The following ZMIZ1 variants were observed in gnomAD, a reference collection of about 807,000 sequenced individuals.
ZMIZ1 encodes zinc finger MIZ-type containing 1.
ZMIZ1 carries 17 observed loss-of-function variants against 113.9 expected under a neutral mutation model. The observed-to-expected ratio is 0.15, with a 90% CI of 0.10 to 0.22. The LOEUF (loss-of-function observed/expected upper bound fraction) is 0.22, where lower values mean the gene tolerates loss of function less well. Among genes scored for constraint, ZMIZ1 ranks in the 10% least tolerant of loss-of-function variants. The probability of loss-of-function intolerance (pLI) is 1.00; values close to 1 mark genes in which losing one functional copy is unlikely to be tolerated. For synonymous variants in ZMIZ1, 607 were observed against 603.1 expected (o/e 1.01, Z -0.09); for missense variants, 1,059 against 1,477.8 (o/e 0.72, Z 4.65).
chr10:79,314,030 G>A lies in ZMIZ1; in HGVS notation c.*1281G>A, dbSNP rs575727900. ...TGGGGGGGAGGGGGGCGTGTTTCTG[G>A]GCCTGCCCCAGACACTGCCCTTGGC... On this transcript the variant is annotated 3_prime_UTR_variant, in exon 25 of 25. Transcript: ENST00000334512. 87 of 456,632 alleles carry A rather than the reference G, an allele frequency of 1.9e-4. No homozygotes were observed. Among genetic ancestry groups the A allele is most frequent in the South Asian group, 1.3e-3 (81 of 64,550 alleles). 28.3% of individuals were successfully genotyped at this position (456,632 alleles called of 1,614,324 possible).
intron 1 of ZMIZ1, among the ~76,000 whole-genome samples, chr10:79,092,917 A>G (rs558652631): frequency 3.9e-5 from 6 of 151,974 alleles, no homozygotes; most frequent in African/African-American, 1.4e-4. Flanking sequence ...CCCTTGAGAT[A>G]GTGAGGAGAC....
At chr10:79,207,108 G>A (rs1434814479) in intron 5 of ZMIZ1, among the ~76,000 whole-genome samples, 1 of 152,218 alleles carries the variant, frequency 6.6e-6, no homozygotes, top group Non-Finnish European at 1.5e-5. Flanking sequence ...GTGGATTCCC[G>A]TAGCTCCCCT....
chr10:79,271,153 A>C (rs567386933), intron 7 of ZMIZ1, among the ~76,000 whole-genome samples: 1 of 152,124 alleles, frequency 6.6e-6, no homozygotes, highest in African/African-American at 2.4e-5. Context: ...CTGCTCATCT[A>C]CTCAGGGCCC....
Position 79,296,254 on chromosome 10 carries a change from G to A in ZMIZ1, c.1231-217G>A, listed in dbSNP as rs539886841. The A allele has an allele frequency of 3.4e-6, 2 of 593,534 alleles. No homozygotes were observed. Among genetic ancestry groups the A allele is most frequent in the Admixed American group, 3.1e-5 (1 of 32,504 alleles). The allele number at this position is 593,534 out of a possible 1,614,324, so 36.8% of individuals were successfully genotyped here. A position where few individuals can be genotyped will look rare whatever the true frequency, so the allele number is the denominator to read the frequency against. ...GGGGCACATGTGCTCCAGGAAGAACGGCCTCAAGGGGAGGTGGCCTATGAT... is the reference window on the plus strand; with the variant it reads ...GGGGCACATGTGCTCCAGGAAGAACAGCCTCAAGGGGAGGTGGCCTATGAT... On this transcript the variant is annotated intron_variant, in intron 12 of 24. Coordinates refer to ENST00000334512, the MANE Select transcript of ZMIZ1 (RefSeq NM_020338.4). The surrounding 1 kb of genome is among the most constrained non-coding windows in gnomAD (Gnocchi z 4.1).
In ZMIZ1 at chr10:79,286,186, G is replaced by A. The variant is rs142318596; in HGVS notation, c.426-3589G>A. Among the ~76,000 whole-genome samples the A allele has an allele frequency of 9.8e-3, 1,500 of 152,342 alleles. 30 individuals carry two copies. The highest frequency in any genetic ancestry group is 0.033 in the African/African-American group (1,390 of 41,576). Reference sequence around the variant, plus strand: ...GTCTGCAGGTTAAACTGTGCTCGTCGGAGAGAAGAAGGGCTCTCAGGCACC... The same window carrying A: ...GTCTGCAGGTTAAACTGTGCTCGTCAGAGAGAAGAAGGGCTCTCAGGCACC... On this transcript the variant is annotated intron_variant, in intron 8 of 24. Coordinates refer to ENST00000334512, the MANE Select transcript of ZMIZ1 (RefSeq NM_020338.4).
intron 8 of ZMIZ1, among the ~76,000 whole-genome samples, chr10:79,280,158 T>C (rs1192275433): frequency 6.6e-6 from 1 of 152,032 alleles, no homozygotes; most frequent in African/African-American, 2.4e-5. Context: ...TGGCTAATTT[T>C]TTGTATTTTT....
rs76410646 is a variant in ZMIZ1 at position 79,308,742 on chromosome 10, C to G, written c.2835+1171C>G. Among the ~76,000 whole-genome samples, 56 of 152,204 alleles carry G rather than the reference C, an allele frequency of 3.7e-4. No individual in the cohort carries two copies. In the East Asian group the frequency reaches 0.01, roughly 27 times the overall value. On this transcript the variant is annotated intron_variant, in intron 23 of 24. Coordinates refer to ENST00000334512, the MANE Select transcript of ZMIZ1 (RefSeq NM_020338.4). ...TTCTGGGGGCTTCTTTCCTGATGCCCCTTCCTGGGCCCTGAGGGCATCCCA... is the reference window on the plus strand; with the variant it reads ...TTCTGGGGGCTTCTTTCCTGATGCCGCTTCCTGGGCCCTGAGGGCATCCCA...
chr10:79,189,193 G>T (rs1223319549), intron 4 of ZMIZ1, among the ~76,000 whole-genome samples: 1 of 152,220 alleles, frequency 6.6e-6, no homozygotes, highest in Non-Finnish European at 1.5e-5. Context: ...AGTCCCTCCA[G>T]CTCCTCAACC....
chr10:79,292,266 A>AGCAGCAGCAGCCACAGCTACAGCC lies in ZMIZ1; in HGVS notation c.868_891dup (p.Ala290_Ala297dup). The AGCAGCAGCAGCCACAGCTACAGCC allele has an allele frequency of 6.2e-7, 1 of 1,609,876 alleles. No homozygotes were observed. Among genetic ancestry groups the AGCAGCAGCAGCCACAGCTACAGCC allele is most frequent in the Non-Finnish European group, 8.5e-7 (1 of 1,178,050 alleles). On this transcript the variant is annotated inframe_insertion, in exon 11 of 25. Transcript: ENST00000334512. The stretch of plus-strand genomic sequence containing the variant: ...CAGCCGCTGCAGCAGCGGCAGTGGC[A>AGCAGCAGCAGCCACAGCTACAGCC]GCAGCAGCAGCCACAGCTACAGCCA...
chr10:79,262,394 T>G (rs917775194), intron 7 of ZMIZ1, among the ~76,000 whole-genome samples: 1 of 152,250 alleles, frequency 6.6e-6, no homozygotes, highest in African/African-American at 2.4e-5. Flanking sequence ...ATCCCTGGCC[T>G]GGAGATCCAG....
intron 2 of ZMIZ1, among the ~76,000 whole-genome samples, chr10:79,134,271 C>T (rs1356277328): frequency 2.0e-5 from 3 of 152,192 alleles, no homozygotes; most frequent in African/African-American, 7.2e-5. Flanking sequence ...TCACTCACCG[C>T]TTCTGTATAG....
chr10:79,289,751 ATCTCCCTCTG>A lies in ZMIZ1; in HGVS notation c.426-13_426-4del. On this transcript the variant is annotated splice_polypyrimidine_tract_variant and intron_variant, in intron 8 of 24. Coordinates refer to ENST00000334512, the MANE Select transcript of ZMIZ1 (RefSeq NM_020338.4). Reference sequence around the variant, plus strand: ...AGTCTGTGCCTGCCAGGCCCTGAAGATCTCCCTCTGTCTCCCTCTGCAGTGATGGGTCGTT... The same window carrying A: ...AGTCTGTGCCTGCCAGGCCCTGAAGATCTCCCTCTGCAGTGATGGGTCGTT... The A allele has an allele frequency of 6.2e-7, 1 of 1,604,262 alleles. No homozygotes were observed. The highest frequency in any genetic ancestry group is 1.1e-5 in the South Asian group (1 of 90,628).
intron 12 of ZMIZ1, chr10:79,295,586 G>A (rs1409137255): frequency 1.3e-5 from 2 of 152,234 alleles, no homozygotes; most frequent in African/African-American, 2.4e-5. Flanking sequence ...TGTGGTGGGT[G>A]CCTCACTGTC....
intron 2 of ZMIZ1, among the ~76,000 whole-genome samples, chr10:79,135,009 G>T (rs1193664378): frequency 6.6e-6 from 1 of 152,090 alleles, no homozygotes; most frequent in African/African-American, 2.4e-5. Flanking sequence ...ATAGAGAAGT[G>T]GTTTCACCAG....
intron 2 of ZMIZ1, among the ~76,000 whole-genome samples, chr10:79,133,549 GC>G (rs767894289): frequency 6.6e-6 from 1 of 152,182 alleles, no homozygotes; most frequent in Non-Finnish European, 1.5e-5. Context: ...GCTGCTCCCA[GC>G]CCCTCATACT....
chr10:79,107,274 G>T (rs184284731), intron 1 of ZMIZ1, among the ~76,000 whole-genome samples: 7 of 152,194 alleles, frequency 4.6e-5, no homozygotes, highest in African/African-American at 1.4e-4. Flanking sequence ...GTAGCCTAGC[G>T]GGTTAGACCT....
rs76430842 is a variant in ZMIZ1 at position 79,221,999 on chromosome 10, G to A, written c.280+5725G>A. 3.3e-4 allele frequency among the ~76,000 whole-genome samples: 50 copies of A among 152,346 alleles called. No homozygotes were observed. In the South Asian group the frequency reaches 4.1e-3, roughly 13 times the overall value. ...AGGTCCAGGAGGCCTTGGAGCTTCC[G>A]CAGGATGTCCTGAGACAGGTCGTCA... is the stretch of plus-strand genomic sequence containing the variant. On this transcript the variant is annotated intron_variant, in intron 7 of 24. Coordinates refer to ENST00000334512, the MANE Select transcript of ZMIZ1 (RefSeq NM_020338.4).
intron 1 of ZMIZ1, among the ~76,000 whole-genome samples, chr10:79,074,589 C>T (rs142958008): frequency 6.6e-6 from 1 of 152,328 alleles, no homozygotes; most frequent in African/African-American, 2.4e-5. Context: ...TTCCAGCCCC[C>T]CGGGTCCCCA....
intron 8 of ZMIZ1, among the ~76,000 whole-genome samples, chr10:79,289,520 G>A (rs1451455316): frequency 6.6e-6 from 1 of 152,206 alleles, no homozygotes; most frequent in Non-Finnish European, 1.5e-5. Flanking sequence ...GGGATACAGG[G>A]AGACACACAG....
Sources: gnomAD v4.1 joint callset for allele counts (sites outside exome capture counted in the v4.1 genomes callset) on GRCh38, gnomAD v4.1.1 for gene constraint, Gnocchi (gnomAD v3.1) non-coding constraint, MANE v1.5 for transcripts, NCBI Gene and HGNC (gene_info 2026-07-23, HGNC 2026-07-21) for gene names.